Variants in JPH3 observed in about 807,000 individuals in gnomAD.
JPH3 encodes the protein junctophilin 3.
In JPH3, 11 loss-of-function variants were observed where a neutral mutation model predicts 59.6. The ratio of observed to expected loss-of-function variants is 0.18; its 90% confidence interval spans 0.12 to 0.31. The LOEUF is 0.31. JPH3 is among the 10% of genes least tolerant of loss of function. The probability of loss-of-function intolerance (pLI) is 1.00; values close to 1 mark genes in which losing one functional copy is unlikely to be tolerated. For missense variants in JPH3, 1,202 were observed against 1,105.7 expected (o/e 1.09, Z -1.24); for synonymous variants, 673 against 483.6 (o/e 1.39, Z -5.14).
intron 1 of JPH3, among the ~76,000 whole-genome samples, chr16:87,607,210 C>A (rs1413015250): frequency 6.6e-6 from 1 of 152,254 alleles, no homozygotes; most frequent in Non-Finnish European, 1.5e-5. Flanking sequence ...GCCCACCATG[C>A]ATGCCGGTGC....
chr16:87,696,024 C>T (rs1376210175), intron 4 of JPH3: 1 of 456,022 alleles, frequency 2.2e-6, no homozygotes, highest in East Asian at 7.0e-5. Flanking sequence ...TCCTCCAGAG[C>T]CAGTTGGCGT....
chr16:87,650,456 C>T (rs540804670), intron 2 of JPH3, among the ~76,000 whole-genome samples: 1 of 152,166 alleles, frequency 6.6e-6, no homozygotes, highest in South Asian at 2.1e-4. Context: ...CCAATGGTCT[C>T]TAAGTGTTCA....
intron 1 of JPH3, among the ~76,000 whole-genome samples, chr16:87,643,244 A>G (rs1296373770): frequency 6.6e-6 from 1 of 152,186 alleles, no homozygotes; most frequent in Non-Finnish European, 1.5e-5. Flanking sequence ...AGGCTGAATG[A>G]TGTTCCATCG....
chr16:87,628,479 C>T (rs1269241308), intron 1 of JPH3, among the ~76,000 whole-genome samples: 1 of 152,238 alleles, frequency 6.6e-6, no homozygotes, highest in Non-Finnish European at 1.5e-5. Context: ...TGAGTGATGG[C>T]CTTGCCTGCT....
At chr16:87,693,950 G>A (rs557669604) in intron 4 of JPH3, 6 of 152,388 alleles carry the variant, frequency 3.9e-5, no homozygotes, top group East Asian at 1.9e-4. Context: ...ACTCCCACCC[G>A]TTGCCGCTGC....
chr16:87,671,907 T>C (rs2033025895), intron 2 of JPH3, among the ~76,000 whole-genome samples: 1 of 152,256 alleles, frequency 6.6e-6, no homozygotes, highest in South Asian at 2.1e-4. Flanking sequence ...AGATTGTTCA[T>C]GCAGCAGCTT....
rs1440019211 is a variant in JPH3 at position 87,644,526 on chromosome 16, C to T, written c.651C>T (p.Arg217=). The change falls in exon 2 of 5, where the codon CGC becomes CGT. Residue 217 remains arginine (R), a synonymous_variant. Transcript: ENST00000284262. ...LKSKKKGLFR[R]SLLSGLKLRK... ...GCAAGAAGAAGGGGCTGTTTCGGCG[C>T]TCGCTGCTGAGTGGGCTGAAGCTGC... 6.2e-7 allele frequency: 1 copy of T among 1,612,794 alleles called. No homozygotes were observed. Among genetic ancestry groups the T allele is most frequent in the African/African-American group, 1.3e-5 (1 of 74,924 alleles).
At chr16:87,628,080 G>T (rs1013364393) in intron 1 of JPH3, among the ~76,000 whole-genome samples, 1 of 152,210 alleles carries the variant, frequency 6.6e-6, no homozygotes, top group Admixed American at 6.5e-5. Context: ...CCCTGTTCAC[G>T]CCCCACAGAG....
At chr16:87,626,972 C>G (rs2031401136) in intron 1 of JPH3, among the ~76,000 whole-genome samples, 1 of 152,194 alleles carries the variant, frequency 6.6e-6, no homozygotes, top group African/African-American at 2.4e-5. Context: ...GAAGCCCCAT[C>G]TCTATTTATT....
At chr16:87,694,570 A>C (rs1325329006) in intron 4 of JPH3, 8 of 152,304 alleles carry the variant, frequency 5.3e-5, no homozygotes, top group Admixed American at 5.2e-4. Flanking sequence ...TGTCAAGAGC[A>C]GAGCCGGCCA....
chr16:87,695,114 C>G (rs917953630), intron 4 of JPH3: 3 of 357,808 alleles, frequency 8.4e-6, no homozygotes, highest in African/African-American at 6.4e-5. Flanking sequence ...AATTCTCTTC[C>G]AGTCTCTGGG....
At chr16:87,630,736 A>T (rs1212961680) in intron 1 of JPH3, among the ~76,000 whole-genome samples, 2 of 152,172 alleles carry the variant, frequency 1.3e-5, no homozygotes, top group African/African-American at 2.4e-5. Context: ...ACTGACCACC[A>T]TGTTTTTAAG....
At chr16:87,671,324 C>T (rs909383055) in intron 2 of JPH3, among the ~76,000 whole-genome samples, 1 of 152,220 alleles carries the variant, frequency 6.6e-6, no homozygotes, top group South Asian at 2.1e-4. Context: ...GGCCCACACG[C>T]CACCACTGCC....
chr16:87,643,035 A>T (rs978469979), intron 1 of JPH3, among the ~76,000 whole-genome samples: 3 of 152,084 alleles, frequency 2.0e-5, no homozygotes, highest in African/African-American at 7.2e-5. Flanking sequence ...CTCTGTCCCT[A>T]TTCAACACTG....
intron 2 of JPH3, among the ~76,000 whole-genome samples, chr16:87,678,741 A>G (rs1330135762): frequency 1.2e-4 from 18 of 152,178 alleles, no homozygotes; most frequent in South Asian, 8.3e-4. Context: ...CTGGGCCCCA[A>G]TCCAACGAAG....
chr16:87,628,235 T>G (rs1426007823), intron 1 of JPH3, among the ~76,000 whole-genome samples: 1 of 152,236 alleles, frequency 6.6e-6, no homozygotes, highest in Non-Finnish European at 1.5e-5. Flanking sequence ...TGGGAGACGA[T>G]GGTGCTGGCA....
intron 1 of JPH3, among the ~76,000 whole-genome samples, chr16:87,616,185 T>G (rs1182280871): frequency 1.4e-5 from 2 of 144,932 alleles, no homozygotes; most frequent in African/African-American, 5.1e-5. Flanking sequence ...CAACGCAATC[T>G]GGTTTTGTGT....
intron 1 of JPH3, among the ~76,000 whole-genome samples, chr16:87,608,026 G>A (rs11859934): frequency 0.017 from 2,650 of 152,378 alleles, 74 homozygotes; most frequent in African/African-American, 0.061. Flanking sequence ...CACGTTGGCC[G>A]TGAGGCCGTT....
At chr16:87,675,736 A>C (rs988624770) in intron 2 of JPH3, among the ~76,000 whole-genome samples, 3 of 152,224 alleles carry the variant, frequency 2.0e-5, no homozygotes, top group African/African-American at 7.2e-5. Flanking sequence ...TCCCAGCTGC[A>C]GCAGGAAGCA....
Sources: gnomAD v4.1 joint callset for allele counts (sites outside exome capture counted in the v4.1 genomes callset) on GRCh38, gnomAD v4.1.1 for gene constraint, MANE v1.5 for transcripts, NCBI Gene and HGNC (gene_info 2026-07-23, HGNC 2026-07-21) for gene names.